The following PLA2G4B variants were observed in gnomAD, a reference collection of about 807,000 sequenced individuals.
PLA2G4B encodes the protein cytosolic phospholipase A2 beta.
PLA2G4B carries 122 observed loss-of-function variants against 95.8 expected under a neutral mutation model. The ratio of observed to expected loss-of-function variants is 1.27; its 90% confidence interval spans 1.10 to 1.48. The LOEUF (loss-of-function observed/expected upper bound fraction) is 1.48, where lower values mean the gene tolerates loss of function less well. PLA2G4B is among the 40% of genes most tolerant of loss of function. The pLI, the probability that PLA2G4B is intolerant of heterozygous loss-of-function variation, is 0.00. For synonymous variants in PLA2G4B, 518 were observed against 421.5 expected (o/e 1.23, Z -2.80); for missense variants, 1,158 against 996.2 (o/e 1.16, Z -2.19).
intron 10 of PLA2G4B, 92 bp downstream of exon 10, chr15:41,842,683 G>A: frequency 1.3e-6 from 2 of 1,537,718 alleles, no homozygotes; most frequent in Non-Finnish European, 1.7e-6. Flanking sequence ...GGGAGAAACA[G>A]CCGCCCCTCA....
intron 17 of PLA2G4B, 35 bp downstream of exon 17, chr15:41,846,417 C>A: frequency 6.3e-7 from 1 of 1,582,438 alleles, no homozygotes; most frequent in Non-Finnish European, 8.6e-7. Context: ...CCTGTGGCCA[C>A]CTGAGCCTTG....
chr15:41,840,722 T>C, intron 3 of PLA2G4B, 52 bp from the exon 4 acceptor site: 2 of 1,607,154 alleles, frequency 1.2e-6, no homozygotes, highest in South Asian at 1.1e-5. Flanking sequence ...GCTGCCCTGC[T>C]CACCTTTCTG....
In PLA2G4B at chr15:41,845,323, G is replaced by C. The variant is rs2065518179; in HGVS notation, c.1357+3G>C. On this transcript the variant is annotated splice_donor_region_variant and intron_variant, in intron 14 of 19. Coordinates refer to ENST00000458483, the MANE Select transcript of PLA2G4B (RefSeq NM_001114633.2). ...CCTGACCACTTTTGAATTTGGGGGTGAGTGGCCCAAGAGCTGAGACCTGTG... is the reference window on the plus strand; with the variant it reads ...CCTGACCACTTTTGAATTTGGGGGTCAGTGGCCCAAGAGCTGAGACCTGTG... 1.2e-6 allele frequency: 2 copies of C among 1,613,664 alleles called. No individual in the cohort carries two copies. The highest frequency in any genetic ancestry group is 1.7e-6 in the Non-Finnish European group (2 of 1,179,830).
chr15:41,843,651 C>G, intron 10 of PLA2G4B, 25 bp from the exon 11 acceptor site: 2 of 1,610,214 alleles, frequency 1.2e-6, no homozygotes, highest in Non-Finnish European at 1.7e-6. Context: ...AGAGCTGTCT[C>G]ACAGTCTCTT....
intron 12 of PLA2G4B, 87 bp downstream of exon 12, chr15:41,844,694 G>T: frequency 1.6e-5 from 25 of 1,600,012 alleles, no homozygotes; most frequent in Non-Finnish European, 2.1e-5. Context: ...AAAACTAGAA[G>T]GGCTGGGAGA....
chr15:41,842,506 G>T, intron 9 of PLA2G4B, 48 bp from the exon 10 acceptor site: 1 of 1,611,176 alleles, frequency 6.2e-7, no homozygotes, highest in South Asian at 1.1e-5. Context: ...GACCAGAGCT[G>T]GGTGGAGGTG....
chr15:41,846,666 C>T lies in PLA2G4B; in HGVS notation c.1781-3C>T. ...ACAATTGCTGCTCTCCCCAACCTTC[C>T]AGCTACCACTCTGGATGGGCTCCCC... On this transcript the variant is annotated splice_polypyrimidine_tract_variant and splice_region_variant and intron_variant, in intron 17 of 19. Transcript: ENST00000458483. 1.9e-6 allele frequency: 3 copies of T among 1,602,298 alleles called. No homozygotes were observed. The highest frequency in any genetic ancestry group is 1.1e-5 in the South Asian group (1 of 90,202).
At position 41,847,687 on chromosome 15, in the gene PLA2G4B, G is replaced by T. The variant is rs1239255125; in HGVS notation, c.2173G>T (p.Val725Leu). ...RTPEEAAAGE[V>L]NLSSSDSPYH... is the part of the protein sequence containing the mutation. ...ACCCGAGGAGGCGGCAGCTGGGGAG[G>T]TGAACCTGTCTTCATCGGACTCTCC... Residue 725 changes from valine to leucine, a missense_variant, in exon 20 of 20, where the codon GTG (valine) becomes TTG (leucine). By Grantham distance (32) the Val-to-Leu change is conservative (BLOSUM62 1). Coordinates refer to ENST00000458483, the MANE Select transcript of PLA2G4B (RefSeq NM_001114633.2). The T allele has an allele frequency of 1.9e-6, 3 of 1,613,652 alleles. No homozygotes were observed. In the Admixed American group the frequency reaches 5.0e-5, roughly 27 times the overall value.
chr15:41,842,062 G>A (rs1465613362), intron 8 of PLA2G4B, 113 bp downstream of exon 8: 2 of 1,561,448 alleles, frequency 1.3e-6, no homozygotes, highest in South Asian at 2.4e-5. Flanking sequence ...CTGGCAGCAT[G>A]TGTGGGCCCA....
rs781461837 is a variant in PLA2G4B, at chr15:41,847,828, G to GT, written c.2315dup (p.Gln773AlafsTer27). The GT allele has an allele frequency of 6.2e-7, 1 of 1,613,110 alleles. No homozygotes were observed. Among genetic ancestry groups the GT allele is most frequent in the East Asian group, 2.2e-5 (1 of 44,878 alleles). ...GCTGCTGGAGGCTCTGCGCCAGGCA[G>GT]TGCAGCGGAGGCGGCAGCGCAGGCC... On this transcript the variant is annotated frameshift_variant, in exon 20 of 20. Coordinates refer to ENST00000458483, the MANE Select transcript of PLA2G4B (RefSeq NM_001114633.2). LOFTEE classifies it high-confidence loss of function.
rs1022903429 is a variant in PLA2G4B at position 41,846,714 on chromosome 15, C to T, written c.1826C>T (p.Pro609Leu). Residue 609 changes from proline to leucine, a missense_variant, in exon 18 of 20, where the codon CCC becomes CTC. Transcript: ENST00000458483. ...GLPNQLTPSE[P>L]HLCLLDVGYL... ...CCCAACCAGCTGACACCCTCGGAGC[C>T]CCACCTGTGCCTGCTGGATGTTGGC... The T allele has an allele frequency of 3.1e-6, 5 of 1,613,824 alleles. No homozygotes were observed. In the African/African-American group the frequency reaches 6.7e-5, roughly 22 times the overall value.
In PLA2G4B at chr15:41,847,729, G is replaced by A. The variant is rs541416077; in HGVS notation, c.2215G>A (p.Val739Met). ...SSDSPYHYTK[V>M]TYSQEDVDKL... The stretch of plus-strand genomic sequence containing the variant: ...GGACTCTCCCTACCACTACACGAAG[G>A]TGACCTACAGCCAGGAGGACGTGGA... Residue 739 changes from valine to methionine, a missense_variant, in exon 20 of 20, where the codon GTG becomes ATG. Transcript: ENST00000458483. 1 of 1,612,180 alleles carries A rather than the reference G, an allele frequency of 6.2e-7. No individual in the cohort carries two copies. The highest frequency in any genetic ancestry group is 2.2e-5 in the East Asian group (1 of 44,890).
At position 41,847,934 on chromosome 15, in the gene PLA2G4B, C is replaced by T. The variant is rs953594200; in HGVS notation, c.*74C>T. The T allele has an allele frequency of 1.7e-5, 26 of 1,527,662 alleles. No homozygotes were observed. The highest frequency in any genetic ancestry group is 4.4e-4 in the Middle Eastern group (2 of 4,540). 94.6% of individuals were successfully genotyped at this position (1,527,662 alleles called of 1,614,324 possible). A position where few individuals can be genotyped will look rare whatever the true frequency, so the allele number is the denominator to read the frequency against. ...GAGTTGCAGGTGGGAACTGTCATCA[C>T]GCAGTGCTTCAGAGCCTCGGGCTCA... On this transcript the variant is annotated 3_prime_UTR_variant, in exon 20 of 20. Transcript: ENST00000458483.
rs911398618 is a variant in PLA2G4B, at chr15:41,845,926, C to T, written c.1496-17C>T. ...ACAAGAGTCGGGGGCCCTCTTCCCT[C>T]ACGGCCGCTCTTTCAGGTATCTGGA... On this transcript the variant is annotated splice_polypyrimidine_tract_variant and intron_variant, in intron 15 of 19. Transcript: ENST00000458483. The T allele has an allele frequency of 6.6e-7, 1 of 1,514,826 alleles. No homozygotes were observed. The highest frequency in any genetic ancestry group is 1.4e-5 in the African/African-American group (1 of 71,712). 93.8% of individuals were successfully genotyped at this position (1,514,826 alleles called of 1,614,324 possible). A position where few individuals can be genotyped will look rare whatever the true frequency, so the allele number is the denominator to read the frequency against.
intron 15 of PLA2G4B, 73 bp downstream of exon 15, chr15:41,845,848 G>C (rs577556615): frequency 6.5e-7 from 1 of 1,528,718 alleles, no homozygotes; most frequent in East Asian, 2.3e-5. Flanking sequence ...GGGCAGCCTC[G>C]GTCAGAAGAG....
Position 41,844,857 on chromosome 15 carries a change from C to A in PLA2G4B, c.1026C>A (p.Ala342=), listed in dbSNP as rs1283487701. 3.1e-6 allele frequency: 5 copies of A among 1,604,688 alleles called. No homozygotes were observed. The South Asian group carries it at 4.5e-5, about 14-fold the overall frequency. The change falls in exon 13 of 20, where the codon GCC becomes GCA. Residue 342 remains alanine (A), a synonymous_variant. Transcript: ENST00000458483. The part of the protein sequence containing the change: ...TGASGSTWAL[A]NLYEDPEWSQ... ...CTTTGGCTTTTCCCAGGGCCTTGGCCAACCTTTATGAGGACCCAGAGTGGT... is the reference window on the plus strand; with the variant it reads ...CTTTGGCTTTTCCCAGGGCCTTGGCAAACCTTTATGAGGACCCAGAGTGGT...
intron 8 of PLA2G4B, 92 bp downstream of exon 8, chr15:41,842,041 G>A: frequency 6.4e-7 from 1 of 1,560,184 alleles, no homozygotes; most frequent in Non-Finnish European, 8.7e-7. Context: ...CCACCTGGCA[G>A]AGTGGGCACC....
chr15:41,842,619 A>G, intron 10 of PLA2G4B, 28 bp downstream of exon 10: 2 of 1,606,174 alleles, frequency 1.2e-6, no homozygotes, highest in Non-Finnish European at 1.7e-6. Context: ...GGACTGGGCA[A>G]GGCCCTGGAA....
At position 41,847,789 on chromosome 15, in the gene PLA2G4B, A is replaced by C. The variant is rs1297708878; in HGVS notation, c.2275A>C (p.Asn759His). The C allele has an allele frequency of 1.9e-6, 3 of 1,613,570 alleles. No individual in the cohort carries two copies. The highest frequency in any genetic ancestry group is 1.7e-6 in the Non-Finnish European group (2 of 1,180,034). ...GCACCTGACACATTACAATGTCTGC[A>C]ACAACCAGGAGCAGCTGCTGGAGGC... ...LLHLTHYNVC[N>H]NQEQLLEALR... The change falls in exon 20 of 20, where the codon AAC becomes CAC. Residue 759 changes from asparagine (N) to histidine (H), a missense_variant. By Grantham distance (68) the Asn-to-His change is moderately conservative. Coordinates refer to ENST00000458483, the MANE Select transcript of PLA2G4B (RefSeq NM_001114633.2).
Sources: gnomAD v4.1 joint callset for allele counts on GRCh38, gnomAD v4.1.1 for gene constraint, MANE v1.5 for transcripts, NCBI Gene and HGNC (gene_info 2026-07-23, HGNC 2026-07-21) for gene names.